The following RBM47 variants were observed in gnomAD, a reference collection of about 807,000 sequenced individuals.
RBM47 encodes RNA-binding protein 47.
A neutral mutation model predicts 47.1 loss-of-function variants in RBM47; 21 were observed. That is an observed-to-expected ratio of 0.45 (90% CI 0.32 to 0.64). The LOEUF (loss-of-function observed/expected upper bound fraction) is 0.64, where lower values mean the gene tolerates loss of function less well. RBM47 is among the 30% of genes least tolerant of loss of function. The pLI is 0.05. For synonymous variants in RBM47, 375 were observed against 361.7 expected (o/e 1.04, Z -0.42); for missense variants, 708 against 870.9 (o/e 0.81, Z 2.35).
In RBM47 at chr4:40,570,912, C is replaced by T. The variant is rs75299549; in HGVS notation, c.-239-26406G>A. ...TGGAATGATACAACACAGACACCTA[C>T]ATACGAAAATAAAATACTGACGGCT... is the stretch of plus-strand genomic sequence containing the variant. On this transcript the variant is annotated intron_variant, in intron 1 of 6. Coordinates refer to ENST00000295971, the MANE Select transcript of RBM47 (RefSeq NM_001098634.2). 2.9e-3 allele frequency among the ~76,000 whole-genome samples: 439 copies of T among 152,044 alleles called. 18 individuals are homozygous for T. The East Asian group carries it at 0.069, about 24-fold the overall frequency.
At chr4:40,433,954 A>G (rs181903535) in intron 5 of RBM47, among the ~76,000 whole-genome samples, 192 of 143,100 alleles carry the variant, frequency 1.3e-3, no homozygotes, top group Non-Finnish European at 2.4e-3. Flanking sequence ...AGAGATCAAA[A>G]GGAAAAGATA....
At chr4:40,437,104 TATATATAAAATAC>T (rs1228529457) in intron 4 of RBM47, among the ~76,000 whole-genome samples, 9 of 75,628 alleles carry the variant, frequency 1.2e-4, no homozygotes, top group African/African-American at 4.6e-4. Context: ...TATATATATA[TATATATAAAATAC>T]ATATATATAT....
At chr4:40,469,228 AGC>A (rs1481753383) in intron 2 of RBM47, among the ~76,000 whole-genome samples, 135 of 152,330 alleles carry the variant, frequency 8.9e-4, no homozygotes, top group African/African-American at 3.1e-3. Flanking sequence ...AAGAATTGAA[AGC>A]AAATTATTAA....
chr4:40,432,705 G>A lies in RBM47; in HGVS notation c.1488C>T (p.Ala496=), dbSNP rs971755083. 19 of 1,591,046 alleles carry A rather than the reference G, an allele frequency of 1.2e-5. No individual in the cohort carries two copies. Among genetic ancestry groups the A allele is most frequent in the African/African-American group, 1.1e-4 (8 of 74,194 alleles). ...GAATGACAGCGGCTGCGGCGGCTGC[G>A]GCCGCGGCTGCGGCGGCAGCAGCAC... ...PASAAAAAAA[A]AAAAAAVIPT... Residue 496 remains alanine (A), a synonymous_variant, in exon 6 of 7, where the codon GCC becomes GCT. Transcript: ENST00000295971.
At chr4:40,597,130 C>T (rs577111458) in intron 1 of RBM47, among the ~76,000 whole-genome samples, 6 of 151,908 alleles carry the variant, frequency 3.9e-5, no homozygotes, top group Non-Finnish European at 7.4e-5. Flanking sequence ...CGTGGTGGCA[C>T]GCGCCTGTAG....
At chr4:40,602,234 A>G (rs996363827) in intron 1 of RBM47, among the ~76,000 whole-genome samples, 4 of 152,106 alleles carry the variant, frequency 2.6e-5, no homozygotes, top group African/African-American at 9.7e-5. Context: ...TCTCCTATGG[A>G]GACTGGGAAT....
At chr4:40,583,584 C>T (rs562824576) in intron 1 of RBM47, among the ~76,000 whole-genome samples, 18 of 151,836 alleles carry the variant, frequency 1.2e-4, no homozygotes, top group East Asian at 7.8e-4. Flanking sequence ...ATGGGCCAGG[C>T]GCGGTGGCTC....
intron 2 of RBM47, among the ~76,000 whole-genome samples, chr4:40,496,281 A>T (rs1395297481): frequency 2.6e-5 from 4 of 152,126 alleles, no homozygotes; most frequent in African/African-American, 9.6e-5. Flanking sequence ...GATAGCTTCC[A>T]AACTGTCACT....
chr4:40,551,610 A>T (rs894935769), intron 1 of RBM47, among the ~76,000 whole-genome samples: 4 of 151,846 alleles, frequency 2.6e-5, no homozygotes, highest in Non-Finnish European at 4.4e-5. Flanking sequence ...GAAGTACACA[A>T]GGAAGAGGGA....
intron 1 of RBM47, among the ~76,000 whole-genome samples, chr4:40,563,952 C>T (rs1005618400): frequency 6.6e-6 from 1 of 152,166 alleles, no homozygotes; most frequent in African/African-American, 2.4e-5. Context: ...TGGCTCACAC[C>T]TTGTAATCCC....
chr4:40,518,333 C>T (rs1365069743), intron 2 of RBM47, among the ~76,000 whole-genome samples: 5 of 151,780 alleles, frequency 3.3e-5, no homozygotes, highest in African/African-American at 1.2e-4. Flanking sequence ...CACACCACCA[C>T]ACCCGGCTAA....
At chr4:40,573,825 A>AAGAAAGAAAG (rs1383252684) in intron 1 of RBM47, among the ~76,000 whole-genome samples, 4 of 151,754 alleles carry the variant, frequency 2.6e-5, no homozygotes, top group Admixed American at 1.3e-4. Context: ...GAAAGAAAGA[A>AAGAAAGAAAG]AGAAAGAAAG....
At chr4:40,449,346 G>A (rs1385717512) in intron 3 of RBM47, among the ~76,000 whole-genome samples, 1 of 152,108 alleles carries the variant, frequency 6.6e-6, no homozygotes, top group Non-Finnish European at 1.5e-5. Context: ...TGACATTCCG[G>A]GCCATGCCTT....
intron 6 of RBM47, among the ~76,000 whole-genome samples, chr4:40,430,079 T>C (rs1715707288): frequency 6.6e-6 from 1 of 151,712 alleles, no homozygotes; most frequent in Non-Finnish European, 1.5e-5. Flanking sequence ...CCTGTAGTCC[T>C]AGCTACTCAG....
chr4:40,525,055 T>C (rs1409997224), intron 2 of RBM47, among the ~76,000 whole-genome samples: 1 of 152,334 alleles, frequency 6.6e-6, no homozygotes, highest in South Asian at 2.1e-4. Flanking sequence ...TTTCACTGTG[T>C]TACATGATTT....
At chr4:40,504,961 G>C (rs1439262726) in intron 2 of RBM47, among the ~76,000 whole-genome samples, 2 of 152,198 alleles carry the variant, frequency 1.3e-5, no homozygotes, top group Non-Finnish European at 2.9e-5. Context: ...TTTGTATTTT[G>C]TTTTTCAGAA....
intron 1 of RBM47, among the ~76,000 whole-genome samples, chr4:40,624,678 C>G (rs1172768734): frequency 1.3e-5 from 2 of 152,278 alleles, no homozygotes; most frequent in East Asian, 3.9e-4. Flanking sequence ...ATTAAATTTT[C>G]TGTGTCACCA....
chr4:40,434,698 A>G (rs1175963710), intron 5 of RBM47, among the ~76,000 whole-genome samples: 2 of 79,708 alleles, frequency 2.5e-5, no homozygotes, highest in Admixed American at 3.2e-4. Flanking sequence ...GAATTTTTAC[A>G]CAGGCAAAAA....
intron 2 of RBM47, among the ~76,000 whole-genome samples, chr4:40,528,829 G>A (rs1296165059): frequency 6.6e-6 from 1 of 151,962 alleles, no homozygotes; most frequent in Non-Finnish European, 1.5e-5. Flanking sequence ...TGTGGCCATA[G>A]CTACTTAGGA....
Sources: gnomAD v4.1 joint callset for allele counts (sites outside exome capture counted in the v4.1 genomes callset) on GRCh38, gnomAD v4.1.1 for gene constraint, MANE v1.5 for transcripts, NCBI Gene and HGNC (gene_info 2026-07-23, HGNC 2026-07-21) for gene names.